Variants in RGS6 observed in about 807,000 individuals in gnomAD.
The protein encoded by RGS6 is regulator of G protein signaling 6.
A neutral mutation model predicts 78.5 loss-of-function variants in RGS6; 30 were observed. The observed-to-expected ratio is 0.38, with a 90% CI of 0.29 to 0.52. RGS6 has a LOEUF of 0.52. Ranked by LOEUF, RGS6 falls within the 20% of genes least tolerant of loss-of-function variation. The probability of loss-of-function intolerance (pLI) is 0.85; values close to 1 mark genes in which losing one functional copy is unlikely to be tolerated. For missense variants in RGS6, 495 were observed against 609.7 expected (o/e 0.81, Z 1.98); for synonymous variants, 206 against 206.0 (o/e 1.00, Z 0.00).
At chr14:72,455,226 T>C (rs2095600732) in intron 4 of RGS6, among the ~76,000 whole-genome samples, 1 of 152,210 alleles carries the variant, frequency 6.6e-6, no homozygotes. Flanking sequence ...GTTAATACTT[T>C]TCCGAATTTA....
intron 2 of RGS6, among the ~76,000 whole-genome samples, chr14:71,996,010 C>T (rs1204278653): frequency 6.6e-6 from 1 of 152,134 alleles, no homozygotes; most frequent in Non-Finnish European, 1.5e-5. Context: ...TGACTGGCCT[C>T]CCGAGGCCTT....
intron 2 of RGS6, among the ~76,000 whole-genome samples, chr14:72,015,546 G>A (rs1399676482): frequency 6.6e-6 from 1 of 152,214 alleles, no homozygotes; most frequent in Non-Finnish European, 1.5e-5. Flanking sequence ...ATTACAAATA[G>A]TGATACAGTA....
intron 3 of RGS6, among the ~76,000 whole-genome samples, chr14:72,369,726 T>G (rs2083094608): frequency 1.3e-5 from 2 of 152,246 alleles, no homozygotes; most frequent in Admixed American, 1.3e-4. Flanking sequence ...CTTAAATTGC[T>G]TAATAAAGTT....
intron 2 of RGS6, among the ~76,000 whole-genome samples, chr14:72,347,182 T>C (rs2078219329): frequency 6.6e-6 from 1 of 152,210 alleles, no homozygotes; most frequent in South Asian, 2.1e-4. Context: ...GTCAGGGAAT[T>C]GATTTTGCTC....
At chr14:72,359,200 A>G (rs2080979081) in intron 3 of RGS6, among the ~76,000 whole-genome samples, 1 of 151,810 alleles carries the variant, frequency 6.6e-6, no homozygotes, top group South Asian at 2.1e-4. Flanking sequence ...GTATGTCTTT[A>G]TTAGCAGCAT....
chr14:71,903,443 T>A, the RGS6 span, among the ~76,000 whole-genome samples: 3 of 152,240 alleles, frequency 2.0e-5, no homozygotes, highest in Non-Finnish European at 4.4e-5. Context: ...AGGCTCTGGA[T>A]AAAGGTCATG....
intron 3 of RGS6, among the ~76,000 whole-genome samples, chr14:72,380,352 G>A (rs1455552904): frequency 1.3e-5 from 2 of 151,986 alleles, no homozygotes; most frequent in African/African-American, 2.4e-5. Flanking sequence ...CTTCTGTACA[G>A]TAAAGGAAAC....
intron 2 of RGS6, among the ~76,000 whole-genome samples, chr14:72,075,438 C>G (rs1304955966): frequency 6.6e-6 from 1 of 152,076 alleles, no homozygotes; most frequent in Non-Finnish European, 1.5e-5. Context: ...TGTGACTAGA[C>G]TTAAGATGAA....
chr14:72,540,368 C>T, intron 17 of RGS6: 13 of 1,456,396 alleles, frequency 8.9e-6, no homozygotes, highest in Non-Finnish European at 1.2e-5. Flanking sequence ...CTGTTCAGGG[C>T]TTTGAGGAGG....
chr14:72,360,960 A>G (rs941141736), intron 3 of RGS6, among the ~76,000 whole-genome samples: 6 of 152,050 alleles, frequency 3.9e-5, no homozygotes. Context: ...AGTGTTTGAC[A>G]GTTTCTTCTT....
At chr14:72,344,409 A>G (rs2077593110) in intron 2 of RGS6, among the ~76,000 whole-genome samples, 1 of 152,164 alleles carries the variant, frequency 6.6e-6, no homozygotes, top group Non-Finnish European at 1.5e-5. Context: ...TTCCTTGAAC[A>G]TTGTTGCTAA....
rs543857450 is a variant in RGS6 at position 72,360,391 on chromosome 14, G to A, written c.184+8197G>A. On this transcript the variant is annotated intron_variant, in intron 3 of 17. Coordinates refer to ENST00000553525, the MANE Select transcript of RGS6 (RefSeq NM_001204424.2). Reference sequence around the variant, plus strand: ...AAAAAAATTAGCTGGGTGTGGTGGCGGGCACCTGTAGTCCCAGCTACTCGG... The same window carrying A: ...AAAAAAATTAGCTGGGTGTGGTGGCAGGCACCTGTAGTCCCAGCTACTCGG... Among the ~76,000 whole-genome samples the A allele has an allele frequency of 3.5e-4, 53 of 151,862 alleles. No individual in the cohort carries two copies. In the South Asian group the frequency reaches 4.0e-3, roughly 11 times the overall value.
At chr14:72,480,048 G>C (rs999641708) in intron 12 of RGS6, among the ~76,000 whole-genome samples, 1 of 152,180 alleles carries the variant, frequency 6.6e-6, no homozygotes, top group African/African-American at 2.4e-5. Flanking sequence ...CCGTAATCCA[G>C]GTGAGGGAGG....
chr14:72,058,857 CAA>C (rs2093750892), intron 2 of RGS6, among the ~76,000 whole-genome samples: 1 of 152,182 alleles, frequency 6.6e-6, no homozygotes, highest in Non-Finnish European at 1.5e-5. Flanking sequence ...GGCCTACCAT[CAA>C]ATAAGTAGTT....
rs114108081 is a variant in RGS6 at position 72,522,783 on chromosome 14, A to G, written c.1278+4246A>G. On this transcript the variant is annotated intron_variant, in intron 15 of 17. Transcript: ENST00000553525. ...CTGTATCTGTAGATTTGAATCACAGACTGTAGTTTGTGACCCTGTGCTAAA... is the reference window on the plus strand; with the variant it reads ...CTGTATCTGTAGATTTGAATCACAGGCTGTAGTTTGTGACCCTGTGCTAAA... 6.4e-3 allele frequency among the ~76,000 whole-genome samples: 974 copies of G among 152,356 alleles called. 15 individuals carry two copies. Among genetic ancestry groups the G allele is most frequent in the African/African-American group, 0.022 (913 of 41,584 alleles).
intron 2 of RGS6, among the ~76,000 whole-genome samples, chr14:72,307,311 T>A (rs2067483797): frequency 6.6e-6 from 1 of 152,216 alleles, no homozygotes; most frequent in South Asian, 2.1e-4. Flanking sequence ...TTTATTTTGA[T>A]ATTTGCTTTA....
chr14:72,392,679 A>G (rs2090287404), intron 3 of RGS6, among the ~76,000 whole-genome samples: 3 of 152,154 alleles, frequency 2.0e-5, no homozygotes, highest in Admixed American at 6.6e-5. Flanking sequence ...CACTCTAACA[A>G]GAAACATTCA....
chr14:72,465,751 C>T lies in RGS6; in HGVS notation c.395-7C>T, dbSNP rs1483243729. ...TGTACATGTTGTCATTTCCTTTCTT[C>T]CCTCAGCCATCTATCTCTGTAAGAG... On this transcript the variant is annotated splice_polypyrimidine_tract_variant and splice_region_variant and intron_variant, in intron 6 of 17. Coordinates refer to ENST00000553525, the MANE Select transcript of RGS6 (RefSeq NM_001204424.2). 6.2e-7 allele frequency: 1 copy of T among 1,610,610 alleles called. No homozygotes were observed.
chr14:72,416,084 G>T (rs1840815598), intron 3 of RGS6, among the ~76,000 whole-genome samples: 1 of 150,446 alleles, frequency 6.6e-6, no homozygotes, highest in Admixed American at 6.7e-5. Flanking sequence ...GGAGGCGGAG[G>T]TTGCAGTGAG....
Sources: allele counts gnomAD v4.1 joint callset (sites outside exome capture counted in the v4.1 genomes callset), GRCh38; gene constraint gnomAD v4.1.1; transcripts MANE v1.5; gene names NCBI Gene and HGNC (gene_info 2026-07-23, HGNC 2026-07-21).